The following RNF170 variants were observed in gnomAD, a reference collection of about 807,000 sequenced individuals.
RNF170 encodes E3 ubiquitin-protein ligase RNF170.
Under a neutral mutation model 32.7 loss-of-function variants are expected in RNF170, and 12 were observed. The observed-to-expected ratio is 0.37, with a 90% CI of 0.24 to 0.60. RNF170 has a LOEUF of 0.60. Ranked by LOEUF, RNF170 falls within the 20% of genes least tolerant of loss-of-function variation. The pLI, the probability that RNF170 is intolerant of heterozygous loss-of-function variation, is 0.72. For synonymous variants in RNF170, 91 were observed against 103.6 expected, an observed-to-expected ratio of 0.88 and a Z score of 0.74; for missense variants, 212 against 311.2, an observed-to-expected ratio of 0.68 and a Z score of 2.40.
At chr8:42,867,495 G>T (rs1447184781) in intron 4 of RNF170, among the ~76,000 whole-genome samples, 7 of 129,432 alleles carry the variant, frequency 5.4e-5, no homozygotes, top group Admixed American at 8.0e-5. Flanking sequence ...AAAAAAAAAG[G>T]CCGGGCGCGG....
intron 2 of RNF170, among the ~76,000 whole-genome samples, chr8:42,885,950 C>T (rs982919244): frequency 2.6e-5 from 4 of 152,052 alleles, no homozygotes; most frequent in East Asian, 1.9e-4. Context: ...AGGCCAGGCA[C>T]GGTGGCTCAC....
intron 6 of RNF170, 114 bp from the exon 7 acceptor site, chr8:42,856,542 A>G (rs1169944083): frequency 1.3e-6 from 1 of 743,392 alleles, no homozygotes; most frequent in Non-Finnish European, 2.2e-6. Context: ...GGAGTTACAC[A>G]TTAATTGAAC....
At position 42,853,382 on chromosome 8, in the gene RNF170, G is replaced by A; in HGVS notation, c.*2777C>T. 1 of 1,283,192 alleles carries A rather than the reference G, an allele frequency of 7.8e-7. No individual in the cohort carries two copies. Among genetic ancestry groups the A allele is most frequent in the South Asian group, 1.2e-5 (1 of 80,102 alleles). 79.5% of individuals were successfully genotyped at this position (1,283,192 alleles called of 1,614,324 possible). ...TCACAAGGTTTGAACCAAACCACCA[G>A]TCTTCTACAACAACTCTGTGAGGTA... is the stretch of plus-strand genomic sequence containing the variant. On this transcript the variant is annotated 3_prime_UTR_variant, in exon 7 of 7. Transcript: ENST00000527424.
In RNF170 at chr8:42,853,507, A is replaced by G. The variant is rs1803010683; in HGVS notation, c.*2652T>C. ...AGTTGAAACCACTGTTCTAGTGGGCAGTTAGAACAGTTGTTTTCCCCGTCT... is the reference window on the plus strand; with the variant it reads ...AGTTGAAACCACTGTTCTAGTGGGCGGTTAGAACAGTTGTTTTCCCCGTCT... On this transcript the variant is annotated 3_prime_UTR_variant, in exon 7 of 7. Coordinates refer to ENST00000527424, the MANE Select transcript of RNF170 (RefSeq NM_030954.4). The G allele has an allele frequency of 7.8e-7, 1 of 1,286,746 alleles. No individual in the cohort carries two copies. Among genetic ancestry groups the G allele is most frequent in the Non-Finnish European group, 1.0e-6 (1 of 988,382 alleles). The allele number at this position is 1,286,746 out of a possible 1,614,324, so 79.7% of individuals were successfully genotyped here. A position where few individuals can be genotyped will look rare whatever the true frequency, so the allele number is the denominator to read the frequency against.
intron 3 of RNF170, among the ~76,000 whole-genome samples, chr8:42,873,373 A>G (rs556506148): frequency 2.0e-5 from 3 of 152,068 alleles, no homozygotes; most frequent in African/African-American, 7.2e-5. Flanking sequence ...TTGATGTTAG[A>G]TATCTTAGCC....
intron 1 of RNF170, among the ~76,000 whole-genome samples, chr8:42,890,197 T>C (rs1482341140): frequency 6.6e-6 from 1 of 150,656 alleles, no homozygotes; most frequent in Non-Finnish European, 1.5e-5. Context: ...GAATAAATTA[T>C]ACTGTACAAC....
Position 42,883,437 on chromosome 8 carries a change from C to T in RNF170, c.137+4291G>A, listed in dbSNP as rs1161688609. Among the ~76,000 whole-genome samples, 8 of 151,978 alleles carry T rather than the reference C, an allele frequency of 5.3e-5. No individual in the cohort carries two copies. In the South Asian group the frequency reaches 1.0e-3, roughly 20 times the overall value. On this transcript the variant is annotated intron_variant, in intron 2 of 6. Transcript: ENST00000527424. ...GGTCTGAATTAGCCAGGCATGGTGG[C>T]GCGTGCCTGTAGTCCCAGCTACTCA...
downstream of RNF170, among the ~76,000 whole-genome samples, chr8:42,852,425 T>C (rs1802964509): frequency 6.6e-6 from 1 of 152,208 alleles, no homozygotes; most frequent in Non-Finnish European, 1.5e-5. Flanking sequence ...ATTTATTTTT[T>C]TTTAATTTTT....
Position 42,858,673 on chromosome 8 carries a change from G to A in RNF170, c.508-2245C>T, listed in dbSNP as rs189957748. Among the ~76,000 whole-genome samples, 10 of 152,348 alleles carry A rather than the reference G, an allele frequency of 6.6e-5. No homozygotes were observed. The East Asian group carries it at 1.9e-3, about 29-fold the overall frequency. ...CTACTTAAGATAGTTGTCATTTAAA[G>A]ACTGGGAAATCACCATAAGAGCAGA... On this transcript the variant is annotated intron_variant, in intron 6 of 6. Transcript: ENST00000527424.
intron 6 of RNF170, among the ~76,000 whole-genome samples, chr8:42,858,067 A>G (rs960657470): frequency 2.0e-5 from 3 of 152,160 alleles, no homozygotes; most frequent in African/African-American, 4.8e-5. Context: ...AAAATGTTAA[A>G]TGACTTTATT....
Position 42,874,010 on chromosome 8 carries a change from T to C in RNF170, c.138-4A>G. 1.3e-6 allele frequency: 2 copies of C among 1,536,528 alleles called. No homozygotes were observed. Among genetic ancestry groups the C allele is most frequent in the Non-Finnish European group, 1.8e-6 (2 of 1,110,072 alleles). On this transcript the variant is annotated splice_region_variant and splice_polypyrimidine_tract_variant and intron_variant, in intron 2 of 6. Coordinates refer to ENST00000527424, the MANE Select transcript of RNF170 (RefSeq NM_030954.4). ...GTGAATGTTTTGATGTACATTTCTG[T>C]TGAATAGAATATAATAAATTTTGAA... is the stretch of plus-strand genomic sequence containing the variant.
intron 4 of RNF170, among the ~76,000 whole-genome samples, chr8:42,866,743 C>T (rs1370342528): frequency 6.6e-6 from 1 of 152,166 alleles, no homozygotes; most frequent in Non-Finnish European, 1.5e-5. Flanking sequence ...AGCAGCAAGC[C>T]AGCCGAAGAT....
rs533196717 is a variant in RNF170 at position 42,856,336 on chromosome 8, G to C, written c.600C>G (p.Ile200Met). 6.3e-7 allele frequency: 1 copy of C among 1,591,208 alleles called. No homozygotes were observed. Among genetic ancestry groups the C allele is most frequent in the African/African-American group, 1.4e-5 (1 of 73,308 alleles). The change falls in exon 7 of 7, where the codon ATC becomes ATG. Residue 200 changes from isoleucine (I) to methionine (M), a missense_variant. Transcript: ENST00000527424. ...SVGGLFWMFR[I>M]RIILCLMGAF... ...CTCCCATTAAACAAAGTATTATCCT[G>C]ATGCGAAACATCCAGAAAAGGCCCC...
In RNF170 at chr8:42,854,252, A is replaced by C; in HGVS notation, c.*1907T>G. 7.8e-7 allele frequency: 1 copy of C among 1,287,232 alleles called. No homozygotes were observed. The highest frequency in any genetic ancestry group is 1.0e-6 in the Non-Finnish European group (1 of 988,688). The allele number at this position is 1,287,232 out of a possible 1,614,324, so 79.7% of individuals were successfully genotyped here. On this transcript the variant is annotated 3_prime_UTR_variant, in exon 7 of 7. Coordinates refer to ENST00000527424, the MANE Select transcript of RNF170 (RefSeq NM_030954.4). The stretch of plus-strand genomic sequence containing the variant: ...GTATAATGTAGCACGAAAGACTTCC[A>C]AAGAACCAGTTTCTCTCTTGCTGTT...
upstream of RNF170, chr8:42,897,154 A>G (rs781455902): frequency 2.4e-6 from 3 of 1,246,378 alleles, no homozygotes; most frequent in Admixed American, 1.2e-4. Flanking sequence ...GAGTCGCTGG[A>G]GCGGGCGGAG....
chr8:42,873,114 C>T (rs1446138372), intron 3 of RNF170, among the ~76,000 whole-genome samples: 2 of 152,014 alleles, frequency 1.3e-5, no homozygotes, highest in African/African-American at 4.8e-5. Context: ...AAACTGGTCT[C>T]GAACTCCTAA....
intron 2 of RNF170, among the ~76,000 whole-genome samples, chr8:42,880,639 G>A (rs374824321): frequency 1.3e-5 from 2 of 152,090 alleles, no homozygotes; most frequent in Non-Finnish European, 2.9e-5. Context: ...GCATGGTGGT[G>A]CGCACCTGTA....
chr8:42,862,885 A>G (rs1315393947), intron 5 of RNF170, among the ~76,000 whole-genome samples: 1 of 152,220 alleles, frequency 6.6e-6, no homozygotes, highest in African/African-American at 2.4e-5. Context: ...ACCCACAAGG[A>G]AAGGGGAGGA....
chr8:42,897,285 G>C, upstream of RNF170: 1 of 848,668 alleles, frequency 1.2e-6, no homozygotes, highest in South Asian at 6.0e-5. Context: ...TGCGGGCGAC[G>C]GTGCCGTCAC....
Sources: allele counts gnomAD v4.1 joint callset (sites outside exome capture counted in the v4.1 genomes callset), GRCh38; gene constraint gnomAD v4.1.1; transcripts MANE v1.5; gene names NCBI Gene and HGNC (gene_info 2026-07-23, HGNC 2026-07-21).